Variants in POLR1A observed in about 807,000 individuals in gnomAD.
The protein encoded by POLR1A is RNA polymerase I subunit A, also known as DNA-directed RNA polymerase I subunit RPA1.
Under a neutral mutation model 205.3 loss-of-function variants are expected in POLR1A, and 84 were observed. The ratio of observed to expected loss-of-function variants is 0.41; its 90% CI spans 0.34 to 0.49. The LOEUF (loss-of-function observed/expected upper bound fraction) is 0.49. POLR1A is among the 20% of genes least tolerant of loss of function. The probability of loss-of-function intolerance (pLI) is 0.22; values close to 1 mark genes in which losing one functional copy is unlikely to be tolerated. For missense variants in POLR1A, 1,645 were observed against 2,204.5 expected (o/e 0.75, Z 5.08); for synonymous variants, 799 against 863.7 (o/e 0.93, Z 1.31).
intron 1 of POLR1A, 25 bp downstream of exon 1, chr2:86,105,675 G>C: frequency 6.5e-7 from 1 of 1,549,168 alleles, no homozygotes; most frequent in Non-Finnish European, 8.9e-7. Flanking sequence ...TCCAGGCTGG[G>C]CACGCTACCC....
chr2:86,090,827 T>C (rs1356150033), intron 3 of POLR1A, among the ~76,000 whole-genome samples: 2 of 152,220 alleles, frequency 1.3e-5, no homozygotes, highest in African/African-American at 4.8e-5. Context: ...GCCTCTGTAG[T>C]CCCAGCTACT....
chr2:86,078,376 C>A, intron 9 of POLR1A, 92 bp from the exon 10 acceptor site: 1 of 924,866 alleles, frequency 1.1e-6, no homozygotes, highest in East Asian at 2.5e-5. Context: ...CTGGATCTGA[C>A]AACTATGCAC....
At chr2:86,076,078 C>T (rs1489737421) in intron 11 of POLR1A, among the ~76,000 whole-genome samples, 1 of 152,182 alleles carries the variant, frequency 6.6e-6, no homozygotes, top group Non-Finnish European at 1.5e-5. Flanking sequence ...TCCTCTGATA[C>T]CTAAGAAAAT....
At chr2:86,057,075 T>C (rs531093075) in intron 14 of POLR1A, among the ~76,000 whole-genome samples, 8 of 152,214 alleles carry the variant, frequency 5.3e-5, no homozygotes, top group Non-Finnish European at 1.2e-4. Flanking sequence ...TTCTGATGCA[T>C]ATGGGCAAAG....
Position 86,040,457 on chromosome 2 carries a change from C to T in POLR1A, c.3675G>A (p.Gln1225=), listed in dbSNP as rs948042493. 2 of 1,613,718 alleles carry T rather than the reference C, an allele frequency of 1.2e-6. No homozygotes were observed. Among genetic ancestry groups the T allele is most frequent in the Non-Finnish European group, 1.7e-6 (2 of 1,179,836 alleles). ...AAQSIGEPST[Q]MTLNTFHFAG... ...CAAAGTGGAAGGTGTTGAGGGTCAT[C>T]TGGGTGGAGGGCTCTCCGATGCTCT... The change falls in exon 25 of 34, where the codon CAG becomes CAA. Residue 1225 remains glutamine (Q), a synonymous_variant. Transcript: ENST00000263857.
At chr2:86,040,195 C>T (rs961729847) in intron 25 of POLR1A, 197 bp downstream of exon 25, 1 of 446,434 alleles carries the variant, frequency 2.2e-6, no homozygotes, top group African/African-American at 2.0e-5. Context: ...GGAGATCCTA[C>T]CAGGCCTGGG....
chr2:86,095,739 T>C (rs1314057807), intron 3 of POLR1A, among the ~76,000 whole-genome samples: 1 of 151,656 alleles, frequency 6.6e-6, no homozygotes, highest in Admixed American at 6.6e-5. Context: ...TCTTTTTTTT[T>C]TTTTTTGAGA....
chr2:86,024,809 G>A lies in POLR1A; in HGVS notation c.*2614C>T, dbSNP rs1443834882. 1 of 152,246 alleles carries A rather than the reference G, an allele frequency of 6.6e-6. No homozygotes were observed. Among genetic ancestry groups the A allele is most frequent in the Non-Finnish European group, 1.5e-5 (1 of 68,062 alleles). The allele number at this position is 152,246 out of a possible 1,614,324, so 9.4% of individuals were successfully genotyped here. A position where few individuals can be genotyped will look rare whatever the true frequency, so the allele number is the denominator to read the frequency against. On this transcript the variant is annotated 3_prime_UTR_variant, in exon 34 of 34. Coordinates refer to ENST00000263857, the MANE Select transcript of POLR1A (RefSeq NM_015425.6). ...GCAAGGTGAGAAGGATGTCCAAACA[G>A]TGGCTAGCTAATGGCATCTGAGGAT...
intron 3 of POLR1A, among the ~76,000 whole-genome samples, chr2:86,097,502 C>T (rs149666686): frequency 2.6e-4 from 40 of 152,172 alleles, no homozygotes; most frequent in African/African-American, 9.6e-4. Context: ...AGATGTCCAA[C>T]AATAGATAAA....
chr2:86,094,054 C>T (rs1374793321), intron 3 of POLR1A, among the ~76,000 whole-genome samples: 1 of 152,126 alleles, frequency 6.6e-6, no homozygotes, highest in Non-Finnish European at 1.5e-5. Context: ...TATCCAGAAG[C>T]GATGTTGTGT....
Position 86,088,874 on chromosome 2 carries a change from T to G in POLR1A, c.541-4A>C. On this transcript the variant is annotated splice_region_variant and splice_polypyrimidine_tract_variant and intron_variant, in intron 4 of 33. Transcript: ENST00000263857. The stretch of plus-strand genomic sequence containing the variant: ...TGCTCTCACACACGTTCTTTACCTG[T>G]TTTTTTAAAAAAAGTCAGAGAACCT... 1 of 1,604,342 alleles carries G rather than the reference T, an allele frequency of 6.2e-7. No homozygotes were observed. The highest frequency in any genetic ancestry group is 8.5e-7 in the Non-Finnish European group (1 of 1,174,280).
intron 27 of POLR1A, among the ~76,000 whole-genome samples, chr2:86,038,050 T>G (rs6547657): frequency 0.012 from 1,880 of 152,300 alleles, 49 homozygotes; most frequent in African/African-American, 0.043. Flanking sequence ...GCTCTTCCAG[T>G]CTTGCCCCAG....
In POLR1A at chr2:86,098,605, A is replaced by G; in HGVS notation, c.432+6T>C. 6.2e-7 allele frequency: 1 copy of G among 1,612,952 alleles called. No individual in the cohort carries two copies. Among genetic ancestry groups the G allele is most frequent in the Non-Finnish European group, 8.5e-7 (1 of 1,179,674 alleles). On this transcript the variant is annotated splice_donor_region_variant and intron_variant, in intron 3 of 33. Transcript: ENST00000263857. ...CTGATTTCTGTGACCACCACTACCC[A>G]CCTACCCTGTTCAGAATTCTCTCAA...
intron 16 of POLR1A, among the ~76,000 whole-genome samples, chr2:86,050,254 C>T (rs935666596): frequency 6.6e-6 from 1 of 152,136 alleles, no homozygotes; most frequent in Non-Finnish European, 1.5e-5. Context: ...TGCTACTGGA[C>T]TCAAGAGTCC....
rs767201535 is a variant in POLR1A, at chr2:86,054,153, A to T, written c.2195T>A (p.Met732Lys). ...RSVPGFNPDS[M>K]CESQVIIREG... ...GGACAGCCATACCTGGGACTCGCAC[A>T]TCGAGTCAGGGTTAAAGCCAGGAAC... is the stretch of plus-strand genomic sequence containing the variant. The change falls in exon 15 of 34, where the codon ATG becomes AAG. Residue 732 changes from methionine to lysine, a missense_variant. Transcript: ENST00000263857. 6.2e-7 allele frequency: 1 copy of T among 1,613,850 alleles called. No individual in the cohort carries two copies. Among genetic ancestry groups the T allele is most frequent in the Non-Finnish European group, 8.5e-7 (1 of 1,179,728 alleles).
intron 12 of POLR1A, among the ~76,000 whole-genome samples, chr2:86,074,402 G>A (rs1673240724): frequency 6.6e-6 from 1 of 152,166 alleles, no homozygotes; most frequent in South Asian, 2.1e-4. Context: ...TGCTGCCACT[G>A]TTGCCTAGTT....
intron 6 of POLR1A, among the ~76,000 whole-genome samples, chr2:86,087,215 A>G (rs1673517829): frequency 1.3e-5 from 2 of 152,238 alleles, no homozygotes; most frequent in Non-Finnish European, 2.9e-5. Flanking sequence ...TATTAAGTCT[A>G]AAAATTATCC....
At chr2:86,038,957 C>A in intron 26 of POLR1A, 100 bp from the exon 27 acceptor site, 1 of 1,109,618 alleles carries the variant, frequency 9.0e-7, no homozygotes, top group Non-Finnish European at 1.3e-6. Flanking sequence ...GAGATAGCAG[C>A]TGAGACCACA....
At position 86,031,368 on chromosome 2, in the gene POLR1A, C is replaced by T. The variant is rs756319018; in HGVS notation, c.4540G>A (p.Asp1514Asn). The T allele has an allele frequency of 1.1e-5, 18 of 1,592,798 alleles. No individual in the cohort carries two copies. Among genetic ancestry groups the T allele is most frequent in the Non-Finnish European group, 1.4e-5 (16 of 1,166,846 alleles). Residue 1514 changes from aspartate to asparagine, a missense_variant, in exon 30 of 34, where the codon GAC becomes AAC. Physicochemically the swap from Asp to Asn is conservative, Grantham distance 23. Transcript: ENST00000263857. Reference protein sequence around the residue: ...AVREIHPFIDDYQYDTEESLW... With the variant: ...AVREIHPFIDNYQYDTEESLW... Reference sequence around the variant, plus strand: ...CTCTCCTCGGTGTCGTACTGGTAGTCATCTATGAACGGGTGGATCTCACGC... The same window carrying T: ...CTCTCCTCGGTGTCGTACTGGTAGTTATCTATGAACGGGTGGATCTCACGC...
Sources: allele counts gnomAD v4.1 joint callset (sites outside exome capture counted in the v4.1 genomes callset), GRCh38; gene constraint gnomAD v4.1.1; transcripts MANE v1.5; gene names NCBI Gene and HGNC (gene_info 2026-07-23, HGNC 2026-07-21).